Variants in ARHGAP28 observed in about 807,000 individuals in gnomAD.
The protein encoded by ARHGAP28 is rho GTPase-activating protein 28.
ARHGAP28 carries 56 observed loss-of-function variants against 90.7 expected under a neutral mutation model. The observed-to-expected ratio is 0.62, with a 90% CI of 0.50 to 0.77. The LOEUF (loss-of-function observed/expected upper bound fraction) is 0.77, where lower values mean the gene tolerates loss of function less well. Ranked by LOEUF, ARHGAP28 falls within the 30% of genes least tolerant of loss-of-function variation. ARHGAP28 has a pLI of 0.00. For synonymous variants in ARHGAP28, 308 were observed against 323.3 expected (o/e 0.95, Z 0.51); for missense variants, 869 against 900.9 (o/e 0.96, Z 0.45).
At chr18:6,819,719 C>CAG (rs1310225955) in intron 1 of ARHGAP28, among the ~76,000 whole-genome samples, 1 of 152,192 alleles carries the variant, frequency 6.6e-6, no homozygotes, top group African/African-American at 2.4e-5. Flanking sequence ...GGCTGTAAAG[C>CAG]AGAGAGAGAT....
chr18:6,882,110 A>T (rs149216514), intron 10 of ARHGAP28, 27 bp from the exon 11 acceptor site: 1 of 1,599,746 alleles, frequency 6.3e-7, no homozygotes, highest in South Asian at 1.1e-5. Context: ...AGTGCATTGA[A>T]TACTGACTGT....
intron 3 of ARHGAP28, among the ~76,000 whole-genome samples, chr18:6,840,833 G>A (rs1440261886): frequency 6.6e-6 from 1 of 152,164 alleles, no homozygotes; most frequent in Non-Finnish European, 1.5e-5. Flanking sequence ...TGAAATCAGT[G>A]TAAGTTTGGC....
chr18:6,906,110 G>A (rs2057363404), intron 16 of ARHGAP28, among the ~76,000 whole-genome samples: 1 of 151,876 alleles, frequency 6.6e-6, no homozygotes, highest in Non-Finnish European at 1.5e-5. Context: ...AAATAAAGTA[G>A]GAGGAATCAC....
intron 1 of ARHGAP28, among the ~76,000 whole-genome samples, chr18:6,763,275 G>A (rs1216773534): frequency 6.6e-6 from 1 of 151,984 alleles, no homozygotes; most frequent in Non-Finnish European, 1.5e-5. Flanking sequence ...TAAAGATGGG[G>A]TTTCACCACG....
At chr18:6,737,074 T>A (rs1029941806) in intron 1 of ARHGAP28, among the ~76,000 whole-genome samples, 1 of 152,290 alleles carries the variant, frequency 6.6e-6, no homozygotes. Context: ...TCTCTAGATG[T>A]CAGTTCTAGC....
At chr18:6,796,583 A>C (rs187329548) in intron 1 of ARHGAP28, among the ~76,000 whole-genome samples, 4 of 152,292 alleles carry the variant, frequency 2.6e-5, no homozygotes, top group African/African-American at 9.6e-5. Context: ...TAACCAATAA[A>C]CTGCAGTCAT....
At chr18:6,835,900 T>C (rs2056749765) in intron 2 of ARHGAP28, among the ~76,000 whole-genome samples, 1 of 152,174 alleles carries the variant, frequency 6.6e-6, no homozygotes. Flanking sequence ...CCTTTTGTTA[T>C]TATTACTCTC....
intron 16 of ARHGAP28, 101 bp downstream of exon 16, chr18:6,896,727 G>C (rs1239089555): frequency 2.9e-6 from 4 of 1,388,076 alleles, no homozygotes; most frequent in Non-Finnish European, 3.9e-6. Context: ...GTAAAATATA[G>C]AACCTGTTGC....
intron 2 of ARHGAP28, among the ~76,000 whole-genome samples, 157 bp from the exon 3 acceptor site, chr18:6,837,040 A>G (rs1261822067): frequency 1.3e-5 from 2 of 152,198 alleles, no homozygotes; most frequent in Non-Finnish European, 2.9e-5. Context: ...TTTTAAAAAT[A>G]CAGTGCAGAC....
Position 6,729,960 on chromosome 18 carries a change from C to T in ARHGAP28, c.122+17C>T, listed in dbSNP as rs1305582203. 7 of 1,334,832 alleles carry T rather than the reference C, an allele frequency of 5.2e-6. No homozygotes were observed. The highest frequency in any genetic ancestry group is 6.7e-6 in the Non-Finnish European group (7 of 1,047,106). 82.7% of individuals were successfully genotyped at this position (1,334,832 alleles called of 1,614,324 possible). On this transcript the variant is annotated intron_variant, in intron 1 of 17. Coordinates refer to ENST00000383472, the MANE Select transcript of ARHGAP28 (RefSeq NM_001366230.1). ...GCTCAGCAGGTACCCGGAGCCGCTC[C>T]CACCAGGGCGGCGCAGTCGCGCTGG...
At chr18:6,810,525 A>G (rs2056548973) in intron 1 of ARHGAP28, among the ~76,000 whole-genome samples, 1 of 151,642 alleles carries the variant, frequency 6.6e-6, no homozygotes, top group Non-Finnish European at 1.5e-5. Context: ...AAACTCTGGG[A>G]TTCAAGCAAT....
At chr18:6,772,321 A>G (rs1220206979) in intron 1 of ARHGAP28, among the ~76,000 whole-genome samples, 2 of 152,184 alleles carry the variant, frequency 1.3e-5, no homozygotes, top group East Asian at 3.8e-4. Context: ...ATTTGTTTCC[A>G]GGAGCTCCAA....
intron 4 of ARHGAP28, among the ~76,000 whole-genome samples, chr18:6,857,497 T>C (rs1286751986): frequency 3.9e-5 from 6 of 152,232 alleles, no homozygotes; most frequent in Non-Finnish European, 7.3e-5. Flanking sequence ...GTGAGTACCA[T>C]GTGGTCAGGG....
Position 6,731,291 on chromosome 18 carries a change from CGTGTGT to C in ARHGAP28, c.122+1365_122+1370del, listed in dbSNP as rs60399521. ...AACTAAATAAATATATATATGTGTG[CGTGTGT>C]GTGTGTGTGTGTGTGTTTTGATGAA... is the stretch of plus-strand genomic sequence containing the variant. On this transcript the variant is annotated intron_variant, in intron 1 of 17. Coordinates refer to ENST00000383472, the MANE Select transcript of ARHGAP28 (RefSeq NM_001366230.1). Among the ~76,000 whole-genome samples, 16 of 149,578 alleles carry C rather than the reference CGTGTGT, an allele frequency of 1.1e-4. No individual in the cohort carries two copies. The South Asian group carries it at 3.4e-3, about 32-fold the overall frequency.
chr18:6,732,859 C>T (rs1016908081), intron 1 of ARHGAP28, among the ~76,000 whole-genome samples: 3 of 152,060 alleles, frequency 2.0e-5, no homozygotes, highest in Non-Finnish European at 4.4e-5. Context: ...TAGCTGTATC[C>T]CTACGGTTAT....
intron 1 of ARHGAP28, among the ~76,000 whole-genome samples, chr18:6,759,575 C>T (rs763461744): frequency 2.6e-5 from 4 of 152,218 alleles, no homozygotes; most frequent in Admixed American, 6.5e-5. Flanking sequence ...ATTTAAAATA[C>T]GCTGGATATG....
chr18:6,757,985 C>T (rs762238182), intron 1 of ARHGAP28, among the ~76,000 whole-genome samples: 2 of 152,124 alleles, frequency 1.3e-5, no homozygotes, highest in East Asian at 1.9e-4. Flanking sequence ...ATTCCTAAGC[C>T]GAGCTATAAA....
At chr18:6,842,608 G>A (rs1015869066) in intron 3 of ARHGAP28, among the ~76,000 whole-genome samples, 1 of 152,050 alleles carries the variant, frequency 6.6e-6, no homozygotes, top group Non-Finnish European at 1.5e-5. Flanking sequence ...CTCTTCCATT[G>A]TCGTTGCTCT....
Position 6,824,872 on chromosome 18 carries a change from T to G in ARHGAP28, c.233T>G (p.Met78Arg). The change falls in exon 2 of 18, where the codon ATG becomes AGG. Residue 78 changes from methionine (M) to arginine (R), a missense_variant. Physicochemically the swap from Met to Arg is moderately conservative, Grantham distance 91 (BLOSUM62 -1). Transcript: ENST00000383472. Reference protein sequence around the residue: ...NSEASVDSASMEDFWREIESI... With the variant: ...NSEASVDSASREDFWREIESI... ...GAAGCCTCCGTAGACAGCGCCTCCA[T>G]GGAGGATTTCTGGCGGGAAATAGAA... The G allele has an allele frequency of 1.3e-6, 2 of 1,536,290 alleles. No homozygotes were observed. Among genetic ancestry groups the G allele is most frequent in the African/African-American group, 2.7e-5 (2 of 73,150 alleles).
Sources: gnomAD v4.1 joint callset for allele counts (sites outside exome capture counted in the v4.1 genomes callset) on GRCh38, gnomAD v4.1.1 for gene constraint, MANE v1.5 for transcripts, NCBI Gene and HGNC (gene_info 2026-07-23, HGNC 2026-07-21) for gene names.